The following ACSM3 variants were observed in gnomAD, a reference collection of about 807,000 sequenced individuals.
ACSM3 encodes the protein acyl-CoA synthetase medium chain family member 3, also known as acyl-coenzyme A synthetase ACSM3, mitochondrial.
In ACSM3, 61 loss-of-function variants were observed where a neutral mutation model predicts 74.1. That is an observed-to-expected ratio of 0.82 (90% CI 0.67 to 1.02). ACSM3 has a LOEUF of 1.02. ACSM3 is among the 50% of genes least tolerant of loss of function. ACSM3 has a pLI of 0.00. For synonymous variants in ACSM3, 213 were observed against 241.5 expected (o/e 0.88, Z 1.09); for missense variants, 660 against 697.0 (o/e 0.95, Z 0.60).
chr16:20,700,593 G>C lies in ACSM3; in HGVS notation c.-190+25771G>C, dbSNP rs192871472. ...GGGATGGCAGATTACTGAGTGAGAAGTATGATAAAGTGTGAGGTCAGAGAC... is the reference window on the plus strand; with the variant it reads ...GGGATGGCAGATTACTGAGTGAGAACTATGATAAAGTGTGAGGTCAGAGAC... On this transcript the variant is annotated intron_variant, in intron 1 of 3. Coordinates refer to the ACSM3 transcript ENST00000561584. Among the ~76,000 whole-genome samples, 47 of 149,834 alleles carry C rather than the reference G, an allele frequency of 3.1e-4. 1 individual carries two copies. Among genetic ancestry groups the C allele is most frequent in the African/African-American group, 1.0e-3 (42 of 41,334 alleles).
chr16:20,764,668 A>G (rs933126094), intron 1 of ACSM3: 1 of 152,220 alleles, frequency 6.6e-6, no homozygotes, highest in African/African-American at 2.4e-5. Flanking sequence ...GTTTGCAGTA[A>G]GCTGAGATTG....
intron 1 of ACSM3, chr16:20,741,935 C>T (rs1417297207): frequency 1.3e-6 from 2 of 1,533,030 alleles, no homozygotes; most frequent in Non-Finnish European, 1.7e-6. Flanking sequence ...CCCGCCCAAG[C>T]CCCGCCTCCT....
At chr16:20,740,956 C>T in intron 1 of ACSM3, among the ~76,000 whole-genome samples, 1 of 152,174 alleles carries the variant, frequency 6.6e-6, no homozygotes, top group East Asian at 1.9e-4. Context: ...GCCTGGCCCT[C>T]AATGAGCAAT....
intron 1 of ACSM3, chr16:20,691,187 A>C: frequency 2.5e-6 from 4 of 1,576,314 alleles, no homozygotes; most frequent in Non-Finnish European, 3.4e-6. Flanking sequence ...TAGCCACTGC[A>C]TGGTGAAACA....
intron 3 of ACSM3, among the ~76,000 whole-genome samples, chr16:20,758,030 G>A (rs1219704790): frequency 2.0e-5 from 3 of 151,902 alleles, no homozygotes; most frequent in Non-Finnish European, 4.4e-5. Context: ...TGCTGGATTC[G>A]GTTTGCCAGT....
chr16:20,744,848 G>A (rs1415549568), intron 1 of ACSM3, among the ~76,000 whole-genome samples: 1 of 152,128 alleles, frequency 6.6e-6, no homozygotes, highest in Non-Finnish European at 1.5e-5. Flanking sequence ...AGTGGGTCAG[G>A]GGCCTGCCTG....
intron 1 of ACSM3, among the ~76,000 whole-genome samples, chr16:20,769,239 T>G (rs542383548): frequency 4.5e-4 from 68 of 152,346 alleles, no homozygotes; most frequent in Middle Eastern, 6.8e-3. Context: ...CCTAGAACTG[T>G]ATTTTTAACA....
At chr16:20,791,077 A>C in intron 10 of ACSM3, 1 of 723,986 alleles carries the variant, frequency 1.4e-6, no homozygotes, top group Non-Finnish European at 2.3e-6. Context: ...GGATTAAGCA[A>C]ATGTCTTTCA....
At chr16:20,749,683 G>C (rs1424731117) in intron 1 of ACSM3, 1 of 152,340 alleles carries the variant, frequency 6.6e-6, no homozygotes, top group East Asian at 1.9e-4. Flanking sequence ...CATAAGATAG[G>C]GTGTTGCAAG....
intron 4 of ACSM3, among the ~76,000 whole-genome samples, chr16:20,778,594 T>C (rs2080286357): frequency 1.3e-5 from 2 of 152,188 alleles, no homozygotes; most frequent in Admixed American, 1.3e-4. Flanking sequence ...AATGCTAGTA[T>C]CTGGCAGAGC....
At chr16:20,751,431 A>C (rs1355383488) in intron 2 of ACSM3, among the ~76,000 whole-genome samples, 1 of 152,224 alleles carries the variant, frequency 6.6e-6, no homozygotes, top group Non-Finnish European at 1.5e-5. Flanking sequence ...TTTGAAAAAA[A>C]ATTCATAACT....
intron 2 of ACSM3, among the ~76,000 whole-genome samples, chr16:20,751,560 G>A (rs1023268337): frequency 6.6e-6 from 1 of 152,084 alleles, no homozygotes; most frequent in Admixed American, 6.5e-5. Flanking sequence ...ACTGACTTAT[G>A]CCAATTCTAT....
chr16:20,786,386 C>A, intron 9 of ACSM3: 1 of 885,606 alleles, frequency 1.1e-6, no homozygotes, highest in Non-Finnish European at 1.5e-6. Flanking sequence ...ATTTAATAAA[C>A]GTTAACCCAT....
At position 20,739,052 on chromosome 16, in the gene ACSM3, T is replaced by C. The variant is rs370706172; in HGVS notation, c.-189-10858T>C. 113 of 1,614,072 alleles carry C rather than the reference T, an allele frequency of 7.0e-5. No homozygotes were observed. The highest frequency in any genetic ancestry group is 8.4e-5 in the Non-Finnish European group (99 of 1,180,030). On this transcript the variant is annotated intron_variant, in intron 1 of 3. Coordinates refer to the ACSM3 transcript ENST00000561584. ...ATCCTCTCCCTCACTTCCAGAGGGC[T>C]GCTGATCCTTGTCTGTAAACTGTTT...
At chr16:20,675,859 C>G (rs575707384) in intron 1 of ACSM3, among the ~76,000 whole-genome samples, 12 of 152,176 alleles carry the variant, frequency 7.9e-5, no homozygotes, top group Non-Finnish European at 1.5e-5. Flanking sequence ...AAACCAGCTG[C>G]GCTGGCGGCT....
chr16:20,757,798 G>C (rs1235465426), intron 3 of ACSM3, among the ~76,000 whole-genome samples: 1 of 150,876 alleles, frequency 6.6e-6, no homozygotes, highest in Non-Finnish European at 1.5e-5. Context: ...TTATTATTTT[G>C]AGATACGTCC....
chr16:20,776,451 T>C (rs924304389), intron 3 of ACSM3, among the ~76,000 whole-genome samples: 6 of 152,184 alleles, frequency 3.9e-5, no homozygotes, highest in Non-Finnish European at 7.4e-5. Context: ...CTGTGTCGCC[T>C]GGGAAGAGTA....
At chr16:20,742,025 A>T (rs1161943336) in intron 1 of ACSM3, 2 of 1,444,944 alleles carry the variant, frequency 1.4e-6, no homozygotes, top group East Asian at 5.5e-5. Context: ...TGGCTCCTCA[A>T]GCCCTTGAAG....
At chr16:20,691,752 T>C (rs71374488) in intron 1 of ACSM3, among the ~76,000 whole-genome samples, 251 of 2,710 alleles carry the variant, frequency 0.093, 2 homozygotes, top group South Asian at 0.19. Context: ...ACCTCTCCAA[T>C]GTGTGTGTGT....
Sources: allele counts gnomAD v4.1 joint callset (sites outside exome capture counted in the v4.1 genomes callset), GRCh38; gene constraint gnomAD v4.1.1; transcripts MANE v1.5; gene names NCBI Gene and HGNC (gene_info 2026-07-23, HGNC 2026-07-21).